SPSB4: variants seen among roughly 807,000 people sequenced by gnomAD.
The protein encoded by SPSB4 is splA/ryanodine receptor domain and SOCS box containing 4.
In SPSB4, 21 loss-of-function variants were observed where a neutral mutation model predicts 20.9. The ratio of observed to expected loss-of-function variants is 1.01; its 90% CI spans 0.71 to 1.45. The LOEUF (loss-of-function observed/expected upper bound fraction) is 1.45, where lower values mean the gene tolerates loss of function less well. SPSB4 is among the 40% of genes most tolerant of loss of function. SPSB4 has a pLI of 0.00. For missense variants in SPSB4, 399 were observed against 399.2 expected, an observed-to-expected ratio of 1.00 and a Z score of 0.00; for synonymous variants, 207 against 183.8, an observed-to-expected ratio of 1.13 and a Z score of -1.02.
At chr3:141,141,791 G>A (rs1939333307) in intron 2 of SPSB4, among the ~76,000 whole-genome samples, 1 of 152,126 alleles carries the variant, frequency 6.6e-6, no homozygotes, top group Non-Finnish European at 1.5e-5. Context: ...TATATTTCAA[G>A]AAATTTTTCT....
In SPSB4 at chr3:141,124,931, G is replaced by C. The variant is rs189668080; in HGVS notation, c.695-22211G>C. Among the ~76,000 whole-genome samples the C allele has an allele frequency of 3.3e-5, 5 of 152,198 alleles. No homozygotes were observed. The East Asian group carries it at 9.6e-4, about 29-fold the overall frequency. On this transcript the variant is annotated intron_variant, in intron 2 of 2. Coordinates refer to ENST00000310546, the MANE Select transcript of SPSB4 (RefSeq NM_080862.3). ...TCCTGCATTTTCAACAGGCTCCCAG[G>C]TGACACTGGTGCTGCCAGTCCACAG...
At chr3:141,107,602 A>G (rs927511387) in intron 2 of SPSB4, among the ~76,000 whole-genome samples, 20 of 152,208 alleles carry the variant, frequency 1.3e-4, no homozygotes, top group African/African-American at 4.6e-4. Context: ...TGTGAATATC[A>G]TCCTGTAACT....
At chr3:141,098,666 C>A (rs1370180645) in intron 2 of SPSB4, among the ~76,000 whole-genome samples, 1 of 152,182 alleles carries the variant, frequency 6.6e-6, no homozygotes, top group Non-Finnish European at 1.5e-5. Context: ...CTAGTAGATT[C>A]TCTTTTGATT....
chr3:141,061,603 TA>T (rs1937762528), intron 1 of SPSB4, among the ~76,000 whole-genome samples: 2 of 151,754 alleles, frequency 1.3e-5, no homozygotes, highest in African/African-American at 4.8e-5. Flanking sequence ...ACATTATTAT[TA>T]ACTTATTTTA....
chr3:141,127,661 G>A (rs908753473), intron 2 of SPSB4, among the ~76,000 whole-genome samples: 7 of 152,096 alleles, frequency 4.6e-5, no homozygotes, highest in East Asian at 3.9e-4. Flanking sequence ...TCTGCCAAAC[G>A]TCAACCGGTG....
chr3:141,147,150 C>T lies in SPSB4; in HGVS notation c.703C>T (p.Leu235=). ...RYINGLDPEP[L]PLMDLCRRSI... Reference sequence around the variant, plus strand: ...CTTCCCTCTCATTGCAGCCGAGCCCCTGCCACTGATGGACCTGTGCCGGAG... The same window carrying T: ...CTTCCCTCTCATTGCAGCCGAGCCCTTGCCACTGATGGACCTGTGCCGGAG... The change falls in exon 3 of 3, where the codon CTG becomes TTG. Residue 235 remains leucine (L), a synonymous_variant. Transcript: ENST00000310546. 1 of 1,614,150 alleles carries T rather than the reference C, an allele frequency of 6.2e-7. No homozygotes were observed. Among genetic ancestry groups the T allele is most frequent in the East Asian group, 2.2e-5 (1 of 44,888 alleles).
intron 1 of SPSB4, among the ~76,000 whole-genome samples, chr3:141,060,345 T>C (rs1937738715): frequency 6.6e-6 from 1 of 152,168 alleles, no homozygotes; most frequent in Admixed American, 6.5e-5. Flanking sequence ...CAGTTTCCCT[T>C]AGAAATTTTC....
chr3:141,057,725 C>G (rs1227347832), intron 1 of SPSB4, among the ~76,000 whole-genome samples: 1 of 152,194 alleles, frequency 6.6e-6, no homozygotes, highest in Non-Finnish European at 1.5e-5. Flanking sequence ...GCACTAATAT[C>G]TAATATCCTG....
intron 2 of SPSB4, among the ~76,000 whole-genome samples, chr3:141,134,452 G>C (rs1939191909): frequency 6.6e-6 from 1 of 151,998 alleles, no homozygotes; most frequent in Non-Finnish European, 1.5e-5. Context: ...TGTTGGCATG[G>C]GTCTGTAATA....
chr3:141,079,325 A>G (rs1576521926), intron 2 of SPSB4, among the ~76,000 whole-genome samples: 1 of 151,344 alleles, frequency 6.6e-6, no homozygotes, highest in East Asian at 1.9e-4. Context: ...AAGAGTGCCC[A>G]TTTCCCACAG....
chr3:141,145,959 C>T (rs73869509), intron 2 of SPSB4, among the ~76,000 whole-genome samples: 3,922 of 152,266 alleles, frequency 0.026, 169 homozygotes, highest in African/African-American at 0.087. Flanking sequence ...AGCTTTCAAA[C>T]AGCTCTTCTA....
At chr3:141,121,691 C>T (rs1371665440) in intron 2 of SPSB4, among the ~76,000 whole-genome samples, 1 of 152,092 alleles carries the variant, frequency 6.6e-6, no homozygotes, top group African/African-American at 2.4e-5. Context: ...TCCTTTCTTC[C>T]ACTTGATTGA....
Position 141,147,387 on chromosome 3 carries a change from C to T in SPSB4, c.*118C>T. 1 of 1,485,956 alleles carries T rather than the reference C, an allele frequency of 6.7e-7. No individual in the cohort carries two copies. Among genetic ancestry groups the T allele is most frequent in the Non-Finnish European group, 9.1e-7 (1 of 1,101,508 alleles). The allele number at this position is 1,485,956 out of a possible 1,614,324, so 92.0% of individuals were successfully genotyped here. ...CTACCCTTCTCCTGGCTCCCCAGGA[C>T]ACTCAGTTCTTTCAAAGACCAGGAT... On this transcript the variant is annotated 3_prime_UTR_variant, in exon 3 of 3. Transcript: ENST00000310546.
intron 2 of SPSB4, among the ~76,000 whole-genome samples, chr3:141,086,710 G>C (rs1258782434): frequency 6.6e-6 from 1 of 152,200 alleles, no homozygotes; most frequent in Non-Finnish European, 1.5e-5. Flanking sequence ...GTAAAGTCCT[G>C]ACACATAGGA....
In SPSB4 at chr3:141,066,330, CA is replaced by C. The variant is rs1937872844; in HGVS notation, c.227del (p.His76ProfsTer39). 1.3e-6 allele frequency: 2 copies of C among 1,568,950 alleles called. No homozygotes were observed. Among genetic ancestry groups the C allele is most frequent in the Non-Finnish European group, 1.7e-6 (2 of 1,159,080 alleles). On this transcript the variant is annotated frameshift_variant, in exon 2 of 3. Transcript: ENST00000310546. LOFTEE classifies it high-confidence loss of function. Reference protein sequence around the residue: ...FVKDDDRLTFHRHPVAQSTDG... With the variant: ...FVKDDDRLTFXRHPVAQSTDG... ...CAAGGACGACGACCGGCTCACCTTCCACCGGCACCCCGTGGCCCAGAGCACC... is the reference window on the plus strand; with the variant it reads ...CAAGGACGACGACCGGCTCACCTTCCCCGGCACCCCGTGGCCCAGAGCACC...
intron 2 of SPSB4, among the ~76,000 whole-genome samples, chr3:141,138,097 T>C (rs1190698901): frequency 6.6e-6 from 1 of 152,268 alleles, no homozygotes; most frequent in East Asian, 1.9e-4. Context: ...ATCCGTTTCT[T>C]CTAGATATTC....
At chr3:141,080,082 G>T (rs913404146) in intron 2 of SPSB4, among the ~76,000 whole-genome samples, 1 of 152,092 alleles carries the variant, frequency 6.6e-6, no homozygotes, top group African/African-American at 2.4e-5. Flanking sequence ...TTTTCCACTG[G>T]GACAGGTCTC....
rs145361152 is a variant in SPSB4, at chr3:141,057,107, G to A, written c.-154+5115G>A. Among the ~76,000 whole-genome samples the A allele has an allele frequency of 9.6e-3, 1,467 of 152,324 alleles. 44 individuals carry two copies. The highest frequency in any genetic ancestry group is 8.4e-3 in the Non-Finnish European group (571 of 68,034). Reference sequence around the variant, plus strand: ...CGTGAGATGATTCCACCTGGAACTGGACAGATGGCTCTCTTTGTGAGCTCT... The same window carrying A: ...CGTGAGATGATTCCACCTGGAACTGAACAGATGGCTCTCTTTGTGAGCTCT... On this transcript the variant is annotated intron_variant, in intron 1 of 2. Transcript: ENST00000310546.
chr3:141,085,571 T>C (rs1938323960), intron 2 of SPSB4, among the ~76,000 whole-genome samples: 1 of 152,246 alleles, frequency 6.6e-6, no homozygotes, highest in Non-Finnish European at 1.5e-5. Context: ...TGCCTTACTA[T>C]GCTTCTGTGC....
Sources: allele counts gnomAD v4.1 joint callset (sites outside exome capture counted in the v4.1 genomes callset), GRCh38; gene constraint gnomAD v4.1.1; transcripts MANE v1.5; gene names NCBI Gene and HGNC (gene_info 2026-07-23, HGNC 2026-07-21).